ANK3: variants seen among roughly 807,000 people sequenced by gnomAD.
ANK3 encodes the protein ankyrin 3, also known as ankyrin-3.
Under a neutral mutation model 370.9 loss-of-function variants are expected in ANK3, and 57 were observed. The ratio of observed to expected loss-of-function variants is 0.15; its 90% CI spans 0.12 to 0.19. The LOEUF (loss-of-function observed/expected upper bound fraction) is 0.19. Ranked by LOEUF, ANK3 falls within the 10% of genes least tolerant of loss-of-function variation. ANK3 has a pLI of 1.00. For missense variants in ANK3, 4,439 were observed against 5,302.1 expected (o/e 0.84, Z 5.06); for synonymous variants, 1,929 against 1,946.3 (o/e 0.99, Z 0.23).
intron 23 of ANK3, among the ~76,000 whole-genome samples, chr10:60,164,912 A>C (rs1219869321): frequency 2.6e-5 from 4 of 152,212 alleles, no homozygotes; most frequent in African/African-American, 9.6e-5. Flanking sequence ...CAAAGATTTT[A>C]AAGAAAAGAT....
At chr10:60,112,091 G>A (rs193199742) in intron 26 of ANK3, among the ~76,000 whole-genome samples, 38 of 152,298 alleles carry the variant, frequency 2.5e-4, no homozygotes, top group African/African-American at 8.9e-4. Context: ...TCAAGGTGAA[G>A]GGGAGATAAC....
At chr10:60,517,653 C>G (rs2076251930) in intron 2 of ANK3, among the ~76,000 whole-genome samples, 1 of 152,094 alleles carries the variant, frequency 6.6e-6, no homozygotes, top group Non-Finnish European at 1.5e-5. Flanking sequence ...GAAATAACCT[C>G]TCAGGATTGT....
In ANK3 at chr10:60,070,631, C is replaced by T. The variant is rs1172426614; in HGVS notation, c.10250G>A (p.Gly3417Asp). The T allele has an allele frequency of 6.2e-7, 1 of 1,614,150 alleles. No homozygotes were observed. Among genetic ancestry groups the T allele is most frequent in the Non-Finnish European group, 8.5e-7 (1 of 1,180,030 alleles). Residue 3417 changes from glycine (G) to aspartate (D), a missense_variant, in exon 37 of 44, where the codon GGC (glycine) becomes GAC (aspartate). Physicochemically the swap from Gly to Asp is moderately conservative, Grantham distance 94. This residue lies in a region of ANK3 where 1,601 missense variants were observed against 1,731.7 expected (regional missense o/e 0.92). Coordinates refer to ENST00000280772, the MANE Select transcript of ANK3 (RefSeq NM_020987.5). The surrounding 1 kb of genome is among the most constrained non-coding windows in gnomAD (Gnocchi z 5.7). ...TDATEIDSLDGYDLQDEDDGL... is the reference protein window; with the variant it reads ...TDATEIDSLDDYDLQDEDDGL... ...ATCATCTTCATCTTGCAGGTCATAG[C>T]CATCCAGAGAGTCGATCTCTGTGGC...
intron 1 of ANK3, among the ~76,000 whole-genome samples, chr10:60,617,420 C>A (rs1339480287): frequency 4.6e-5 from 7 of 152,108 alleles, no homozygotes; most frequent in Non-Finnish European, 1.0e-4. Context: ...CTGGTGAAAT[C>A]ATTTATTTCT....
At chr10:60,607,102 C>A (rs553633801) in intron 2 of ANK3, among the ~76,000 whole-genome samples, 11 of 152,256 alleles carry the variant, frequency 7.2e-5, no homozygotes, top group Admixed American at 7.2e-4. Flanking sequence ...ATTTAATCAG[C>A]CTTCCTGTCC....
chr10:60,500,135 G>A (rs1247139152), intron 2 of ANK3, among the ~76,000 whole-genome samples: 1 of 152,148 alleles, frequency 6.6e-6, no homozygotes, highest in African/African-American at 2.4e-5. Flanking sequence ...TTGATGTCAG[G>A]TCTTAATAAT....
At chr10:60,161,115 T>C (rs2095489052) in intron 23 of ANK3, among the ~76,000 whole-genome samples, 1 of 152,162 alleles carries the variant, frequency 6.6e-6, no homozygotes, top group South Asian at 2.1e-4. Context: ...TATTTGCAGA[T>C]GATAAAATCT....
chr10:60,335,926 G>A (rs1336817871), intron 1 of ANK3, among the ~76,000 whole-genome samples: 1 of 152,136 alleles, frequency 6.6e-6, no homozygotes, highest in Non-Finnish European at 1.5e-5. Context: ...AAGCCAGCCA[G>A]GCTTAGATAC....
At chr10:60,703,421 T>C (rs1486946096) in intron 1 of ANK3, among the ~76,000 whole-genome samples, 1 of 152,196 alleles carries the variant, frequency 6.6e-6, no homozygotes, top group African/African-American at 2.4e-5. Context: ...AGACTAGTCA[T>C]GTGTCTATAA....
At chr10:60,167,508 CTT>C (rs78152112) in intron 21 of ANK3, among the ~76,000 whole-genome samples, 3,747 of 152,224 alleles carry the variant, frequency 0.025, 119 homozygotes, top group East Asian at 0.073. Flanking sequence ...CCTACTGCCT[CTT>C]TTACTTTCTC....
At chr10:60,217,691 G>A (rs566113649) in intron 8 of ANK3, among the ~76,000 whole-genome samples, 5 of 152,186 alleles carry the variant, frequency 3.3e-5, no homozygotes, top group South Asian at 2.1e-4. Flanking sequence ...ATCGATTTTC[G>A]AACAAGTGCC....
intron 1 of ANK3, among the ~76,000 whole-genome samples, chr10:60,342,315 C>T (rs146364227): frequency 9.7e-4 from 147 of 152,158 alleles, no homozygotes; most frequent in African/African-American, 3.1e-3. Flanking sequence ...GAACTGGAAA[C>T]GCACTTCAGG....
intron 41 of ANK3, among the ~76,000 whole-genome samples, chr10:60,057,859 T>C (rs2079525309): frequency 6.6e-6 from 1 of 152,230 alleles, no homozygotes; most frequent in Non-Finnish European, 1.5e-5. Context: ...TTGTCTTCTT[T>C]GCAACTGTCT....
At chr10:60,402,308 A>C (rs558685446) in intron 2 of ANK3, among the ~76,000 whole-genome samples, 9 of 152,344 alleles carry the variant, frequency 5.9e-5, no homozygotes, top group African/African-American at 2.2e-4. Context: ...AAAATGCATA[A>C]GTATTAACGG....
intron 1 of ANK3, among the ~76,000 whole-genome samples, chr10:60,332,292 T>C (rs1726882401): frequency 6.6e-6 from 1 of 152,218 alleles, no homozygotes. Context: ...TGAAGACATA[T>C]GTAGCTTAAT....
At chr10:60,453,487 T>C (rs1031143317) in intron 2 of ANK3, among the ~76,000 whole-genome samples, 2 of 152,226 alleles carry the variant, frequency 1.3e-5, no homozygotes, top group Non-Finnish European at 1.5e-5. Context: ...AACGTATCTG[T>C]GCATGTGTGT....
intron 2 of ANK3, among the ~76,000 whole-genome samples, chr10:60,579,403 G>C (rs986102702): frequency 1.3e-4 from 19 of 151,296 alleles, no homozygotes; most frequent in African/African-American, 4.6e-4. Flanking sequence ...AAGGAGAATA[G>C]GAGAAATTAC....
intron 34 of ANK3, 96 bp downstream of exon 34, chr10:60,082,519 G>T: frequency 6.7e-7 from 1 of 1,488,142 alleles, no homozygotes. Flanking sequence ...AGTTTCAAGA[G>T]CTTTATTCAT....
chr10:60,696,587 G>A (rs1417989800), intron 1 of ANK3, among the ~76,000 whole-genome samples: 2 of 149,072 alleles, frequency 1.3e-5, no homozygotes, highest in Non-Finnish European at 1.5e-5. Flanking sequence ...GGGATGCAAG[G>A]CTGGTTCAAT....
Sources: gnomAD v4.1 joint callset for allele counts (sites outside exome capture counted in the v4.1 genomes callset) on GRCh38, gnomAD v4.1.1 for gene constraint, gnomAD v4.1.1 regional missense constraint, Gnocchi (gnomAD v3.1) non-coding constraint, MANE v1.5 for transcripts, NCBI Gene and HGNC (gene_info 2026-07-23, HGNC 2026-07-21) for gene names.